Variants in GALNT17 observed in about 807,000 individuals in gnomAD.
GALNT17 encodes the protein UDP-GalNAc:polypeptide N-acetylgalactosaminyltransferase-like 3.
In GALNT17, 29 loss-of-function variants were observed where a neutral mutation model predicts 63.7. The ratio of observed to expected loss-of-function variants is 0.46; its 90% CI spans 0.34 to 0.62. The LOEUF (loss-of-function observed/expected upper bound fraction) is 0.62, where lower values mean the gene tolerates loss of function less well. Among genes scored for constraint, GALNT17 ranks in the 20% least tolerant of loss-of-function variants. The pLI, the probability that GALNT17 is intolerant of heterozygous loss-of-function variation, is 0.01. For missense variants in GALNT17, 603 were observed against 799.6 expected (o/e 0.75, Z 2.97); for synonymous variants, 305 against 318.3 (o/e 0.96, Z 0.45).
chr7:71,257,971 C>T (rs1363028182), intron 1 of GALNT17, among the ~76,000 whole-genome samples: 1 of 152,154 alleles, frequency 6.6e-6, no homozygotes, highest in Non-Finnish European at 1.5e-5. Flanking sequence ...CTGCATTGGC[C>T]CTTTATGCTT....
chr7:71,408,194 C>G (rs1793364125), intron 3 of GALNT17, among the ~76,000 whole-genome samples: 2 of 152,092 alleles, frequency 1.3e-5, no homozygotes, highest in Admixed American at 6.5e-5. Flanking sequence ...AGCCTCGGAA[C>G]CTGCATTTTC....
In GALNT17 at chr7:71,198,216, AG is replaced by A. The variant is rs1789094483; in HGVS notation, c.238+65178del. On this transcript the variant is annotated intron_variant, in intron 1 of 10. Transcript: ENST00000333538. ...CTGTCTCAAAAAAAAAAAAAAAAAA[AG>A]GATGCAAATACCAACTTCAAGTGGG... is the stretch of plus-strand genomic sequence containing the variant. 4.1e-5 allele frequency among the ~76,000 whole-genome samples: 6 copies of A among 147,918 alleles called. No individual in the cohort carries two copies. In the South Asian group the frequency reaches 1.3e-3, roughly 31 times the overall value.
At chr7:71,383,161 G>A (rs905691455) in intron 2 of GALNT17, among the ~76,000 whole-genome samples, 2 of 152,126 alleles carry the variant, frequency 1.3e-5, no homozygotes, top group African/African-American at 2.4e-5. Flanking sequence ...CCATGTGGTA[G>A]TATATTGCAG....
At chr7:71,150,746 G>A (rs1788116032) in intron 1 of GALNT17, among the ~76,000 whole-genome samples, 1 of 151,692 alleles carries the variant, frequency 6.6e-6, no homozygotes, top group African/African-American at 2.4e-5. Context: ...TCCTGACCTC[G>A]TGATCCGCCC....
intron 1 of GALNT17, among the ~76,000 whole-genome samples, chr7:71,312,861 G>A (rs1220366973): frequency 1.3e-5 from 2 of 152,198 alleles, no homozygotes; most frequent in Non-Finnish European, 2.9e-5. Flanking sequence ...CTCAGGGCTA[G>A]CATTTTGGGA....
chr7:71,418,567 C>T (rs184948860), intron 4 of GALNT17, among the ~76,000 whole-genome samples: 3 of 152,284 alleles, frequency 2.0e-5, no homozygotes, highest in Non-Finnish European at 2.9e-5. Context: ...AGTGGCTGAA[C>T]TTCGAAATGG....
intron 5 of GALNT17, among the ~76,000 whole-genome samples, chr7:71,459,701 A>C (rs1787418445): frequency 6.6e-6 from 1 of 152,188 alleles, no homozygotes; most frequent in African/African-American, 2.4e-5. Flanking sequence ...GTGGGGGGGA[A>C]AATTGCATCT....
At chr7:71,268,860 G>A (rs1312001261) in intron 1 of GALNT17, among the ~76,000 whole-genome samples, 1 of 152,094 alleles carries the variant, frequency 6.6e-6, no homozygotes, top group African/African-American at 2.4e-5. Flanking sequence ...GGCAGGAAGG[G>A]TGGGCAGCAA....
chr7:71,202,974 G>T (rs182402996), intron 1 of GALNT17, among the ~76,000 whole-genome samples: 1 of 152,156 alleles, frequency 6.6e-6, no homozygotes, highest in Non-Finnish European at 1.5e-5. Context: ...TGAATAGTGG[G>T]TATATGTATA....
At chr7:71,137,836 C>T (rs1787816511) in intron 1 of GALNT17, among the ~76,000 whole-genome samples, 1 of 152,100 alleles carries the variant, frequency 6.6e-6, no homozygotes, top group African/African-American at 2.4e-5. Flanking sequence ...ATAGTTAAGC[C>T]TTGAAACAAT....
chr7:71,648,269 A>C (rs897335820), intron 6 of GALNT17, among the ~76,000 whole-genome samples: 2 of 149,064 alleles, frequency 1.3e-5, no homozygotes, highest in Non-Finnish European at 1.5e-5. Flanking sequence ...GTCATGAGCT[A>C]CTTTTTTTTT....
chr7:71,436,220 A>G (rs1419091559), intron 5 of GALNT17, among the ~76,000 whole-genome samples: 1 of 152,094 alleles, frequency 6.6e-6, no homozygotes, highest in Non-Finnish European at 1.5e-5. Flanking sequence ...ACATGGCTGT[A>G]GTCTCGGACA....
At chr7:71,137,470 C>T in intron 1 of GALNT17, among the ~76,000 whole-genome samples, 1 of 152,196 alleles carries the variant, frequency 6.6e-6, no homozygotes, top group Non-Finnish European at 1.5e-5. Context: ...CCCCATCCCT[C>T]AGCACACCAC....
At chr7:71,535,551 A>G (rs1788790058) in intron 5 of GALNT17, among the ~76,000 whole-genome samples, 1 of 152,258 alleles carries the variant, frequency 6.6e-6, no homozygotes. Context: ...CCTGCAAAGT[A>G]AATGTACATA....
At chr7:71,157,953 G>A (rs184857398) in intron 1 of GALNT17, among the ~76,000 whole-genome samples, 33 of 151,578 alleles carry the variant, frequency 2.2e-4, no homozygotes, top group Admixed American at 1.2e-3. Context: ...CAAATGACAC[G>A]ATTTCATCAT....
intron 5 of GALNT17, among the ~76,000 whole-genome samples, chr7:71,476,684 G>C (rs1225236162): frequency 6.6e-6 from 1 of 152,124 alleles, no homozygotes; most frequent in Non-Finnish European, 1.5e-5. Context: ...TCGCAGCGGG[G>C]AGTGCTATTG....
chr7:71,366,287 T>C (rs2116252547), intron 2 of GALNT17, among the ~76,000 whole-genome samples: 1 of 151,976 alleles, frequency 6.6e-6, no homozygotes, highest in South Asian at 2.1e-4. Context: ...GGTGTATACA[T>C]AGAAAAAGAA....
chr7:71,420,899 A>T lies in GALNT17; in HGVS notation c.765-9A>T, dbSNP rs771465510. On this transcript the variant is annotated splice_polypyrimidine_tract_variant and intron_variant, in intron 4 of 10. Coordinates refer to ENST00000333538, the MANE Select transcript of GALNT17 (RefSeq NM_022479.3). The stretch of plus-strand genomic sequence containing the variant: ...AGAGAGGTTTCATGTCTATTTCTCT[A>T]TGTTTCAGGGCTGAGCCGGTTCTAT... 1 of 1,598,042 alleles carries T rather than the reference A, an allele frequency of 6.3e-7. No individual in the cohort carries two copies. Among genetic ancestry groups the T allele is most frequent in the Non-Finnish European group, 8.5e-7 (1 of 1,171,114 alleles).
At chr7:71,169,215 G>A (rs958272490) in intron 1 of GALNT17, among the ~76,000 whole-genome samples, 13 of 152,140 alleles carry the variant, frequency 8.5e-5, no homozygotes, top group African/African-American at 2.6e-4. Flanking sequence ...TACGATTTTT[G>A]CACCCACCTA....
Sources: gnomAD v4.1 joint callset for allele counts (sites outside exome capture counted in the v4.1 genomes callset) on GRCh38, gnomAD v4.1.1 for gene constraint, MANE v1.5 for transcripts, NCBI Gene and HGNC (gene_info 2026-07-23, HGNC 2026-07-21) for gene names.